BBX: variants seen among roughly 807,000 people sequenced by gnomAD.
The protein encoded by BBX is BBX high mobility group box domain containing, also known as HMG box transcription factor BBX.
Under a neutral mutation model 100.2 loss-of-function variants are expected in BBX, and 30 were observed. That is an observed-to-expected ratio of 0.30 (90% CI 0.22 to 0.41). BBX has a LOEUF of 0.41. Ranked by LOEUF, BBX falls within the 10% of genes least tolerant of loss-of-function variation. The pLI is 1.00. For missense variants in BBX, 1,023 were observed against 1,129.8 expected (o/e 0.91, Z 1.35); for synonymous variants, 376 against 388.1 (o/e 0.97, Z 0.37).
chr3:107,660,724 A>G (rs1193555435), intron 3 of BBX, among the ~76,000 whole-genome samples: 2 of 152,142 alleles, frequency 1.3e-5, no homozygotes, highest in Non-Finnish European at 2.9e-5. Flanking sequence ...TACTTTTATC[A>G]AAGGAGCTTT....
chr3:107,542,684 G>T (rs932893047), intron 2 of BBX, among the ~76,000 whole-genome samples: 1 of 152,098 alleles, frequency 6.6e-6, no homozygotes, highest in Non-Finnish European at 1.5e-5. Flanking sequence ...TTTGAATGAG[G>T]TACTGAGTTT....
At chr3:107,781,878 T>C (rs560393026) in intron 13 of BBX, among the ~76,000 whole-genome samples, 1 of 152,240 alleles carries the variant, frequency 6.6e-6, no homozygotes, top group South Asian at 2.1e-4. Context: ...ATTGAGTCTT[T>C]CAAAAAATCA....
chr3:107,562,734 T>G (rs1258377645), intron 2 of BBX, among the ~76,000 whole-genome samples: 2 of 152,178 alleles, frequency 1.3e-5, no homozygotes, highest in African/African-American at 4.8e-5. Context: ...GGAAGGATAC[T>G]ATTCACATTT....
At chr3:107,628,497 TTAAA>T (rs1160317171) in intron 2 of BBX, among the ~76,000 whole-genome samples, 3 of 152,082 alleles carry the variant, frequency 2.0e-5, no homozygotes, top group African/African-American at 7.2e-5. Flanking sequence ...TTGAAATAGA[TTAAA>T]TAATTTTTTT....
intron 2 of BBX, among the ~76,000 whole-genome samples, chr3:107,583,438 GTGAC>G (rs1410432709): frequency 1.3e-5 from 2 of 151,908 alleles, no homozygotes; most frequent in Non-Finnish European, 2.9e-5. Context: ...AACAAACTGA[GTGAC>G]TGAGTAGTTT....
chr3:107,642,722 G>T (rs1187899416), intron 2 of BBX, among the ~76,000 whole-genome samples: 1 of 152,090 alleles, frequency 6.6e-6, no homozygotes, highest in African/African-American at 2.4e-5. Flanking sequence ...CCTTTTTCTA[G>T]CAGTATGGCT....
rs558345186 is a variant in BBX at position 107,756,094 on chromosome 3, A to G, written c.906+416A>G. On this transcript the variant is annotated intron_variant, in intron 10 of 17. Coordinates refer to ENST00000325805, the MANE Select transcript of BBX (RefSeq NM_001142568.3). ...TTTTTCCTGGTGAAGAATTCATATG[A>G]CATGTTCTAAAATCTGATTTTATAA... Among the ~76,000 whole-genome samples, 9 of 152,242 alleles carry G rather than the reference A, an allele frequency of 5.9e-5. No individual in the cohort carries two copies. In the South Asian group the frequency reaches 1.9e-3, roughly 32 times the overall value.
At chr3:107,562,706 A>C (rs1315452253) in intron 2 of BBX, among the ~76,000 whole-genome samples, 2 of 152,194 alleles carry the variant, frequency 1.3e-5, no homozygotes. Context: ...TTTAGAATGA[A>C]AATAAAGCTC....
intron 2 of BBX, among the ~76,000 whole-genome samples, chr3:107,548,772 A>T (rs2049432871): frequency 6.6e-6 from 1 of 152,242 alleles, no homozygotes; most frequent in Admixed American, 6.5e-5. Context: ...GATACAGCAA[A>T]TGTAGTACAT....
At chr3:107,640,234 T>C (rs1345256206) in intron 2 of BBX, among the ~76,000 whole-genome samples, 4 of 152,192 alleles carry the variant, frequency 2.6e-5, no homozygotes, top group Non-Finnish European at 5.9e-5. Context: ...ATTACTCTGC[T>C]ATTTAGGAAA....
chr3:107,644,460 C>G (rs1370004040), intron 2 of BBX, among the ~76,000 whole-genome samples: 4 of 152,062 alleles, frequency 2.6e-5, no homozygotes, highest in Non-Finnish European at 2.9e-5. Context: ...TTTAATGCTT[C>G]TTCTGTATAC....
At chr3:107,676,983 A>AT (rs145166053) in intron 3 of BBX, among the ~76,000 whole-genome samples, 1 of 151,946 alleles carries the variant, frequency 6.6e-6, no homozygotes, top group Admixed American at 6.6e-5. Context: ...ACAGGTTTTT[A>AT]TTTTTTTCTC....
At chr3:107,731,702 T>G (rs551751788) in intron 6 of BBX, among the ~76,000 whole-genome samples, 7 of 149,862 alleles carry the variant, frequency 4.7e-5, no homozygotes, top group Non-Finnish European at 7.5e-5. Flanking sequence ...CCTCAGAACT[T>G]TTTTTGCAAT....
chr3:107,600,097 A>G (rs113774576), intron 2 of BBX, among the ~76,000 whole-genome samples: 1 of 152,236 alleles, frequency 6.6e-6, no homozygotes, highest in Admixed American at 6.5e-5. Context: ...AGCCACTAAA[A>G]TTTAGAAGCA....
chr3:107,558,009 G>A (rs186472998), intron 2 of BBX, among the ~76,000 whole-genome samples: 11 of 152,286 alleles, frequency 7.2e-5, no homozygotes, highest in African/African-American at 1.4e-4. Context: ...GAAACTCAGC[G>A]GGGCTTGGCA....
intron 2 of BBX, among the ~76,000 whole-genome samples, chr3:107,614,464 G>A (rs1343972945): frequency 1.3e-5 from 2 of 150,658 alleles, no homozygotes; most frequent in East Asian, 3.9e-4. Flanking sequence ...TATCCAGTTA[G>A]GCCCAAGTTA....
chr3:107,605,375 A>ATTTT (rs34100576), intron 2 of BBX, among the ~76,000 whole-genome samples: 1 of 145,756 alleles, frequency 6.9e-6, no homozygotes. Context: ...TTCACTTTCT[A>ATTTT]TTTTTTTTTT....
At chr3:107,617,599 G>C (rs2055392969) in intron 2 of BBX, among the ~76,000 whole-genome samples, 1 of 151,902 alleles carries the variant, frequency 6.6e-6, no homozygotes, top group South Asian at 2.1e-4. Context: ...GACATGTTTT[G>C]TTGGATTCAT....
intron 2 of BBX, among the ~76,000 whole-genome samples, chr3:107,560,064 C>T (rs1218589225): frequency 3.9e-5 from 6 of 152,156 alleles, no homozygotes; most frequent in Non-Finnish European, 8.8e-5. Context: ...TTCTTGGTCT[C>T]TTAACCTCTC....
Sources: allele counts gnomAD v4.1 joint callset (sites outside exome capture counted in the v4.1 genomes callset), GRCh38; gene constraint gnomAD v4.1.1; transcripts MANE v1.5; gene names NCBI Gene and HGNC (gene_info 2026-07-23, HGNC 2026-07-21).